LRRC8D: variants seen among roughly 807,000 people sequenced by gnomAD.
LRRC8D encodes the protein volume-regulated anion channel subunit LRRC8D.
LRRC8D carries 20 observed loss-of-function variants against 55.8 expected under a neutral mutation model. That is an observed-to-expected ratio of 0.36 (90% CI 0.25 to 0.52). LRRC8D has a LOEUF of 0.52. Among genes scored for constraint, LRRC8D ranks in the 20% least tolerant of loss-of-function variants. LRRC8D has a pLI of 0.93. For missense variants in LRRC8D, 651 were observed against 1,030.8 expected (o/e 0.63, Z 5.05); for synonymous variants, 352 against 377.0 (o/e 0.93, Z 0.77).
intron 2 of LRRC8D, among the ~76,000 whole-genome samples, chr1:89,908,050 C>T (rs995647424): frequency 5.3e-5 from 8 of 152,314 alleles, no homozygotes; most frequent in South Asian, 4.2e-4. Context: ...TAGGACACAA[C>T]TTTCCCATTA....
intron 2 of LRRC8D, among the ~76,000 whole-genome samples, chr1:89,873,952 T>G (rs1268694333): frequency 6.6e-6 from 1 of 152,222 alleles, no homozygotes; most frequent in Non-Finnish European, 1.5e-5. Flanking sequence ...CAGGAAATGC[T>G]TGTTCATAGA....
chr1:89,883,346 A>G (rs1570854410), intron 2 of LRRC8D, among the ~76,000 whole-genome samples: 1 of 152,188 alleles, frequency 6.6e-6, no homozygotes, highest in Admixed American at 6.5e-5. Context: ...AGTTGGATCA[A>G]CTAAGATCCA....
intron 2 of LRRC8D, among the ~76,000 whole-genome samples, chr1:89,860,811 C>G (rs1277822163): frequency 4.1e-5 from 3 of 72,444 alleles, no homozygotes; most frequent in African/African-American, 1.4e-4. Context: ...TATATATATA[C>G]ACACACAGAC....
chr1:89,897,730 A>G (rs1297935254), intron 2 of LRRC8D, among the ~76,000 whole-genome samples: 1 of 152,200 alleles, frequency 6.6e-6, no homozygotes, highest in Admixed American at 6.5e-5. Flanking sequence ...CCTGAAAAAA[A>G]AACTGATTTG....
rs80228752 is a variant in LRRC8D, at chr1:89,883,960, C to T, written c.-3+40178C>T. Among the ~76,000 whole-genome samples, 1,322 of 152,240 alleles carry T rather than the reference C, an allele frequency of 8.7e-3. 17 individuals are homozygous for T. Among genetic ancestry groups the T allele is most frequent in the African/African-American group, 0.03 (1,246 of 41,536 alleles). ...CAGCATCCAACTCAGGAAGGTCATC[C>T]GATCCTGTCAGTGTGGGTACTTTGA... On this transcript the variant is annotated intron_variant, in intron 2 of 2. Coordinates refer to ENST00000337338, the MANE Select transcript of LRRC8D (RefSeq NM_001134479.2).
chr1:89,832,910 C>T (rs60047948), intron 1 of LRRC8D, among the ~76,000 whole-genome samples: 1,631 of 152,276 alleles, frequency 0.011, 25 homozygotes, highest in African/African-American at 0.036. Flanking sequence ...CATATATTAG[C>T]TCATTTACTT....
chr1:89,877,064 G>A (rs556268448), intron 2 of LRRC8D, among the ~76,000 whole-genome samples: 1 of 152,348 alleles, frequency 6.6e-6, no homozygotes, highest in Non-Finnish European at 1.5e-5. Context: ...GTTGGATAAT[G>A]CAGAACTGCA....
intron 1 of LRRC8D, among the ~76,000 whole-genome samples, chr1:89,828,063 A>G (rs1660804760): frequency 1.3e-5 from 2 of 152,244 alleles, no homozygotes; most frequent in African/African-American, 4.8e-5. Flanking sequence ...TGTGCAGCTC[A>G]GCTCAGAACC....
At chr1:89,860,773 AAAAAAAAAAAAAATATATAT>A (rs1159168554) in intron 2 of LRRC8D, among the ~76,000 whole-genome samples, 6 of 82,996 alleles carry the variant, frequency 7.2e-5, no homozygotes, top group Non-Finnish European at 1.6e-4. Flanking sequence ...AAAAAAAAAA[AAAAAAAAAAAAAATATATAT>A]ATATATATAT....
chr1:89,892,512 T>C (rs895206300), intron 2 of LRRC8D, among the ~76,000 whole-genome samples: 4 of 152,128 alleles, frequency 2.6e-5, no homozygotes, highest in African/African-American at 7.2e-5. Flanking sequence ...CGTCACTAGA[T>C]TGATATTTCC....
intron 2 of LRRC8D, among the ~76,000 whole-genome samples, chr1:89,868,944 T>G (rs770542704): frequency 2.0e-5 from 3 of 152,226 alleles, no homozygotes; most frequent in Middle Eastern, 3.2e-3. Flanking sequence ...TCTCACTCTT[T>G]CGCCCAGGCT....
chr1:89,828,548 T>C (rs1262549733), intron 1 of LRRC8D, among the ~76,000 whole-genome samples: 1 of 152,180 alleles, frequency 6.6e-6, no homozygotes, highest in Non-Finnish European at 1.5e-5. Flanking sequence ...ATGATGATGG[T>C]TTTTTGGTGT....
At chr1:89,915,165 A>G (rs1377117623) in intron 2 of LRRC8D, among the ~76,000 whole-genome samples, 2 of 152,212 alleles carry the variant, frequency 1.3e-5, no homozygotes, top group South Asian at 2.1e-4. Flanking sequence ...GGTAAAGTCT[A>G]TGATGGGCAA....
chr1:89,863,518 A>C (rs577687807), intron 2 of LRRC8D, among the ~76,000 whole-genome samples: 44 of 152,362 alleles, frequency 2.9e-4, no homozygotes, highest in Non-Finnish European at 5.0e-4. Context: ...CAAGATGCTG[A>C]AAATGATTAT....
chr1:89,921,994 A>G (rs924078387), intron 2 of LRRC8D, among the ~76,000 whole-genome samples: 3 of 152,212 alleles, frequency 2.0e-5, no homozygotes, highest in Non-Finnish European at 4.4e-5. Context: ...AACAAAGAGC[A>G]AGATTTGAAT....
At chr1:89,885,614 A>G (rs745311167) in intron 2 of LRRC8D, among the ~76,000 whole-genome samples, 2 of 152,232 alleles carry the variant, frequency 1.3e-5, no homozygotes, top group Non-Finnish European at 2.9e-5. Flanking sequence ...AGGCAATAGT[A>G]AGTTTCCTAT....
At chr1:89,855,227 G>A (rs1444494953) in intron 2 of LRRC8D, among the ~76,000 whole-genome samples, 2 of 152,304 alleles carry the variant, frequency 1.3e-5, no homozygotes, top group Non-Finnish European at 2.9e-5. Context: ...CACCTTGAAT[G>A]TCTTTGCCTA....
At chr1:89,860,312 A>G (rs1291007933) in intron 2 of LRRC8D, among the ~76,000 whole-genome samples, 2 of 152,202 alleles carry the variant, frequency 1.3e-5, no homozygotes, top group African/African-American at 4.8e-5. Flanking sequence ...TTTTATGCGA[A>G]AAGTTAATTA....
At chr1:89,839,509 G>A (rs557495671) in intron 1 of LRRC8D, among the ~76,000 whole-genome samples, 74 of 152,136 alleles carry the variant, frequency 4.9e-4, no homozygotes, top group African/African-American at 1.7e-3. Context: ...CATGATTTGC[G>A]ACCCCTTGCT....
Sources: gnomAD v4.1 joint callset for allele counts (sites outside exome capture counted in the v4.1 genomes callset) on GRCh38, gnomAD v4.1.1 for gene constraint, MANE v1.5 for transcripts, NCBI Gene and HGNC (gene_info 2026-07-23, HGNC 2026-07-21) for gene names.